Variants in SLC25A21 observed in about 807,000 individuals in gnomAD.
SLC25A21 encodes solute carrier family 25 member 21, also known as mitochondrial 2-oxodicarboxylate carrier.
In SLC25A21, 47 loss-of-function variants were observed where a neutral mutation model predicts 43.8. The observed-to-expected ratio is 1.07, with a 90% CI of 0.85 to 1.37. The LOEUF (loss-of-function observed/expected upper bound fraction) is 1.37, where lower values mean the gene tolerates loss of function less well. Ranked by LOEUF, SLC25A21 falls within the 40% of genes most tolerant of loss-of-function variation. The probability of loss-of-function intolerance (pLI) is 0.00; values close to 1 mark genes in which losing one functional copy is unlikely to be tolerated. For missense variants in SLC25A21, 352 were observed against 350.2 expected, an observed-to-expected ratio of 1.00 and a Z score of -0.04; for synonymous variants, 131 against 121.3, an observed-to-expected ratio of 1.08 and a Z score of -0.52.
chr14:36,936,801 A>G (rs1295597633), intron 1 of SLC25A21, among the ~76,000 whole-genome samples: 1 of 152,180 alleles, frequency 6.6e-6, no homozygotes, highest in Non-Finnish European at 1.5e-5. Flanking sequence ...CAGTCTCTAA[A>G]TCTGATATCC....
At chr14:36,943,438 C>T (rs775867811) in intron 1 of SLC25A21, among the ~76,000 whole-genome samples, 1 of 152,164 alleles carries the variant, frequency 6.6e-6, no homozygotes, top group South Asian at 2.1e-4. Flanking sequence ...GTGATCTGCC[C>T]GCCTTGGCCT....
intron 9 of SLC25A21, among the ~76,000 whole-genome samples, chr14:36,683,153 G>C (rs1169708829): frequency 6.6e-6 from 1 of 152,216 alleles, no homozygotes; most frequent in African/African-American, 2.4e-5. Flanking sequence ...TATAATCTGA[G>C]ACTATTTGCC....
rs112865825 is a variant in SLC25A21, at chr14:36,704,631, T to A, written c.603+6687A>T. On this transcript the variant is annotated intron_variant, in intron 7 of 9. Coordinates refer to ENST00000331299, the MANE Select transcript of SLC25A21 (RefSeq NM_030631.4). ...AAGATAGTGCCACTGCACTCCAGCC[T>A]GGGCAACAGAGCGAGACTCCGTCTC... Among the ~76,000 whole-genome samples, 283 of 138,112 alleles carry A rather than the reference T, an allele frequency of 2.0e-3. 4 individuals are homozygous for A. The highest frequency in any genetic ancestry group is 4.6e-3 in the East Asian group (21 of 4,522). 90.6% of individuals were successfully genotyped at this position (138,112 alleles called of 152,430 possible). A position where few individuals can be genotyped will look rare whatever the true frequency, so the allele number is the denominator to read the frequency against.
intron 2 of SLC25A21, among the ~76,000 whole-genome samples, chr14:36,862,220 A>G (rs1257918428): frequency 1.3e-5 from 2 of 152,346 alleles, no homozygotes; most frequent in Admixed American, 6.5e-5. Context: ...AAGGACCTAG[A>G]ACCAGAAATA....
At chr14:36,942,420 C>T (rs997692884) in intron 1 of SLC25A21, among the ~76,000 whole-genome samples, 5 of 152,216 alleles carry the variant, frequency 3.3e-5, no homozygotes, top group African/African-American at 9.6e-5. Context: ...TAGTGGCGGA[C>T]GGCGGTAGGA....
intron 1 of SLC25A21, among the ~76,000 whole-genome samples, chr14:36,986,106 A>G (rs1449041315): frequency 1.3e-5 from 2 of 152,172 alleles, no homozygotes; most frequent in Admixed American, 6.6e-5. Flanking sequence ...GGTATTAGGG[A>G]GGCTCTTTAC....
At chr14:36,750,119 G>A (rs558485813) in intron 3 of SLC25A21, among the ~76,000 whole-genome samples, 1 of 152,152 alleles carries the variant, frequency 6.6e-6, no homozygotes, top group Non-Finnish European at 1.5e-5. Context: ...TCCCACTGAC[G>A]CAGAATGTTG....
intron 2 of SLC25A21, among the ~76,000 whole-genome samples, chr14:36,842,782 ACT>A (rs1889425478): frequency 1.3e-5 from 2 of 152,104 alleles, no homozygotes; most frequent in African/African-American, 4.8e-5. Context: ...CCCACATGGC[ACT>A]CTCATCCTGG....
chr14:36,813,273 G>C (rs1319081996), intron 3 of SLC25A21, among the ~76,000 whole-genome samples: 4 of 149,604 alleles, frequency 2.7e-5, no homozygotes, highest in African/African-American at 4.9e-5. Context: ...GTTTTTAACT[G>C]AATCTACACA....
At chr14:37,092,440 C>T (rs367762794) in intron 1 of SLC25A21, among the ~76,000 whole-genome samples, 1 of 152,154 alleles carries the variant, frequency 6.6e-6, no homozygotes, top group Non-Finnish European at 1.5e-5. Flanking sequence ...CCTCCGTCCT[C>T]CTACCTACCT....
chr14:36,897,707 G>T (rs948420953), intron 1 of SLC25A21, among the ~76,000 whole-genome samples: 3 of 152,112 alleles, frequency 2.0e-5, no homozygotes, highest in African/African-American at 7.2e-5. Flanking sequence ...TACAGATGGG[G>T]TTTTGGTGTG....
chr14:36,820,678 T>C (rs886160638), intron 2 of SLC25A21, among the ~76,000 whole-genome samples: 1 of 152,174 alleles, frequency 6.6e-6, no homozygotes, highest in Admixed American at 6.5e-5. Context: ...TTGAGTTTGT[T>C]AGCCATAAGA....
chr14:37,059,348 G>A (rs992623868), intron 1 of SLC25A21, among the ~76,000 whole-genome samples: 4 of 152,094 alleles, frequency 2.6e-5, no homozygotes, highest in Non-Finnish European at 4.4e-5. Context: ...GTGGCAGAGC[G>A]AGAGTATGAA....
At chr14:36,751,991 T>C (rs1594552836) in intron 3 of SLC25A21, among the ~76,000 whole-genome samples, 1 of 112,644 alleles carries the variant, frequency 8.9e-6, no homozygotes. Context: ...TAATTGAGTA[T>C]CTGATATGTG....
chr14:37,024,634 T>C (rs1000191568), intron 1 of SLC25A21, among the ~76,000 whole-genome samples: 5 of 151,962 alleles, frequency 3.3e-5, no homozygotes, highest in Admixed American at 1.3e-4. Context: ...GAAGATAATA[T>C]TGCTTTAAAA....
At position 36,789,817 on chromosome 14, in the gene SLC25A21, A is replaced by T. The variant is rs1294693316; in HGVS notation, c.203+24101T>A. On this transcript the variant is annotated intron_variant, in intron 3 of 9. Coordinates refer to ENST00000331299, the MANE Select transcript of SLC25A21 (RefSeq NM_030631.4). ...ATAATATATTTTATATATTATATAT[A>T]ATATATTTTATATATTTATATTTAA... Among the ~76,000 whole-genome samples the T allele has an allele frequency of 3.5e-5, 3 of 86,506 alleles. No homozygotes were observed. In the Admixed American group the frequency reaches 4.1e-4, roughly 12 times the overall value. 56.8% of individuals were successfully genotyped at this position (86,506 alleles called of 152,430 possible).
chr14:36,782,186 G>C (rs776657882), intron 3 of SLC25A21, among the ~76,000 whole-genome samples: 4 of 152,112 alleles, frequency 2.6e-5, no homozygotes, highest in Non-Finnish European at 5.9e-5. Flanking sequence ...TTAATACTTT[G>C]ATTCTAATGT....
At chr14:37,100,418 T>C (rs1962795249) in intron 1 of SLC25A21, among the ~76,000 whole-genome samples, 1 of 152,164 alleles carries the variant, frequency 6.6e-6, no homozygotes, top group Admixed American at 6.5e-5. Flanking sequence ...TTGTCCCACT[T>C]AACACACTTC....
At chr14:37,046,453 T>C (rs1252325393) in intron 1 of SLC25A21, among the ~76,000 whole-genome samples, 3 of 152,168 alleles carry the variant, frequency 2.0e-5, no homozygotes, top group Non-Finnish European at 4.4e-5. Context: ...CAAAACGGCA[T>C]TTTTAACTGA....
Sources: gnomAD v4.1 joint callset for allele counts (sites outside exome capture counted in the v4.1 genomes callset) on GRCh38, gnomAD v4.1.1 for gene constraint, MANE v1.5 for transcripts, NCBI Gene and HGNC (gene_info 2026-07-23, HGNC 2026-07-21) for gene names.